FDXR: variants seen among roughly 807,000 people sequenced by gnomAD.
The protein encoded by FDXR is ferredoxin reductase.
A neutral mutation model predicts 58.3 loss-of-function variants in FDXR; 38 were observed. That is an observed-to-expected ratio of 0.65 (90% CI 0.50 to 0.85). FDXR has a LOEUF of 0.85. Ranked by LOEUF, FDXR falls within the 40% of genes least tolerant of loss-of-function variation. The pLI is 0.00. For synonymous variants in FDXR, 275 were observed against 273.8 expected (o/e 1.00, Z -0.04); for missense variants, 624 against 671.0 (o/e 0.93, Z 0.77).
intron 6 of FDXR, among the ~76,000 whole-genome samples, chr17:74,865,454 G>A (rs1033482576): frequency 7.2e-5 from 11 of 152,114 alleles, no homozygotes; most frequent in African/African-American, 2.4e-4. Context: ...GGTGGGAGGT[G>A]AGTGGGGATG....
rs748385798 is a variant in FDXR, at chr17:74,862,800, C to CGGGGCT, written c.*11_*16dup. 1.4e-4 allele frequency: 217 copies of CGGGGCT among 1,599,786 alleles called. No homozygotes were observed. Among genetic ancestry groups the CGGGGCT allele is most frequent in the Middle Eastern group, 1.9e-4 (1 of 5,242 alleles). ...CACTCATCCCTTCCCTGCTGGGGGC[C>CGGGGCT]GGGGCTGGGGCTGGGCTCAGTGGCC... is the stretch of plus-strand genomic sequence containing the variant. On this transcript the variant is annotated 3_prime_UTR_variant, in exon 12 of 12. Transcript: ENST00000293195.
rs35471615 is a variant in FDXR, at chr17:74,871,803, G to A, written c.177+233C>T. Among the ~76,000 whole-genome samples, 339 of 152,298 alleles carry A rather than the reference G, an allele frequency of 2.2e-3. 1 individual carries two copies. The highest frequency in any genetic ancestry group is 3.9e-3 in the Non-Finnish European group (265 of 68,024). On this transcript the variant is annotated intron_variant, in intron 2 of 11. Coordinates refer to ENST00000293195, the MANE Select transcript of FDXR (RefSeq NM_024417.5). ...GCCAGGGAGGCAAAGCTGACCACCT[G>A]CCACTGACCACTCACCACCAATGTG...
At chr17:74,871,263 G>A (rs1054952158) in intron 2 of FDXR, among the ~76,000 whole-genome samples, 3 of 152,206 alleles carry the variant, frequency 2.0e-5, no homozygotes, top group Admixed American at 6.5e-5. Context: ...CCAGCTTAGC[G>A]CTGAAGCCCC....
At chr17:74,865,022 A>G (rs1443342887) in intron 6 of FDXR, 91 bp from the exon 7 acceptor site, 2 of 1,587,040 alleles carry the variant, frequency 1.3e-6, no homozygotes, top group African/African-American at 1.3e-5. Flanking sequence ...GGGCCTGGAG[A>G]AGGCTGGCGG....
intron 10 of FDXR, among the ~76,000 whole-genome samples, 187 bp from the exon 11 acceptor site, chr17:74,863,433 C>G (rs1021479112): frequency 6.6e-6 from 1 of 152,232 alleles, no homozygotes; most frequent in Non-Finnish European, 1.5e-5. Flanking sequence ...TTTTACCAGG[C>G]CGACCCCCTT....
At chr17:74,867,306 C>CAAAAAAA (rs56079045) in intron 2 of FDXR, among the ~76,000 whole-genome samples, 6 of 16,542 alleles carry the variant, frequency 3.6e-4, no homozygotes, top group African/African-American at 9.6e-4. Context: ...GACTCTGTCT[C>CAAAAAAA]AAAAAAAAAA....
At chr17:74,865,358 C>T (rs910719102) in intron 6 of FDXR, among the ~76,000 whole-genome samples, 1 of 151,922 alleles carries the variant, frequency 6.6e-6, no homozygotes, top group Non-Finnish European at 1.5e-5. Flanking sequence ...GGAGGAGGCA[C>T]GATGGGGGAG....
Position 74,864,820 on chromosome 17 carries a change from G to C in FDXR, c.717+4C>G. The stretch of plus-strand genomic sequence containing the variant: ...CCTGGCTCCTCCCACTCTGGCCCCA[G>C]CACCTTAATGGTGAAGGCCACTTGC... On this transcript the variant is annotated splice_donor_region_variant and intron_variant, in intron 7 of 11. Coordinates refer to ENST00000293195, the MANE Select transcript of FDXR (RefSeq NM_024417.5). The C allele has an allele frequency of 3.1e-6, 5 of 1,613,916 alleles. No homozygotes were observed. The highest frequency in any genetic ancestry group is 4.2e-6 in the Non-Finnish European group (5 of 1,179,928).
Position 74,864,007 on chromosome 17 carries a change from GC to G in FDXR, c.1062del (p.Leu355TrpfsTer45). 1 of 1,614,056 alleles carries G rather than the reference GC, an allele frequency of 6.2e-7. No individual in the cohort carries two copies. Among genetic ancestry groups the G allele is most frequent in the Non-Finnish European group, 8.5e-7 (1 of 1,180,028 alleles). ...TTATACCCAATGCTGCTGAGCACCA[GC>G]CCACAAGGGAGGTCTTCCATGTCTC... is the stretch of plus-strand genomic sequence containing the variant. The part of the protein sequence containing the change: ...PTGDMEDLPC[G>X]LVLSSIGYKS... On this transcript the variant is annotated frameshift_variant, in exon 10 of 12. Transcript: ENST00000293195. LOFTEE classifies it high-confidence loss of function.
At chr17:74,872,394 A>G in intron 1 of FDXR, 3 of 868,520 alleles carry the variant, frequency 3.5e-6, no homozygotes, top group Non-Finnish European at 5.3e-6. Flanking sequence ...ACAACACTTC[A>G]TTCCCTATCC....
chr17:74,868,391 C>CAACCTACTCTGAGTGT, intron 2 of FDXR: 1 of 690,946 alleles, frequency 1.4e-6, no homozygotes, highest in Non-Finnish European at 2.6e-6. Context: ...GCCCGGGGTG[C>CAACCTACTCTGAGTGT]AACCTACTCT....
At position 74,863,908 on chromosome 17, in the gene FDXR, T is replaced by C; in HGVS notation, c.1162A>G (p.Met388Val). ...GVIPNVEGRVMDVPGLYCSGW... is the reference protein window; with the variant it reads ...GVIPNVEGRVVDVPGLYCSGW... ...CACACCCTCTCACCTGGCACATCCA[T>C]AACCCGGCCCTCCACATTGGGGATG... The change falls in exon 10 of 12, where the codon ATG becomes GTG. Residue 388 changes from methionine (M) to valine (V), a missense_variant. Transcript: ENST00000293195. 1.2e-6 allele frequency: 2 copies of C among 1,613,152 alleles called. No homozygotes were observed. The highest frequency in any genetic ancestry group is 2.2e-5 in the East Asian group (1 of 44,868).
intron 2 of FDXR, chr17:74,868,523 G>C: frequency 2.0e-6 from 3 of 1,486,088 alleles, no homozygotes; most frequent in African/African-American, 1.4e-5. Context: ...CGGCCTAGAG[G>C]TCAACACCTC....
rs1349720950 is a variant in FDXR at position 74,872,948 on chromosome 17, T to G, written c.-4A>C. On this transcript the variant is annotated 5_prime_UTR_variant, in exon 1 of 12. Transcript: ENST00000293195. ...AGCGCCAGCAGCGCGAAGCCATGGCTGGGAGCAGCAACCTGCAAGTGGATC... is the reference window on the plus strand; with the variant it reads ...AGCGCCAGCAGCGCGAAGCCATGGCGGGGAGCAGCAACCTGCAAGTGGATC... 7.7e-6 allele frequency: 12 copies of G among 1,554,596 alleles called. No homozygotes were observed. The highest frequency in any genetic ancestry group is 1.0e-5 in the Non-Finnish European group (12 of 1,149,570).
intron 3 of FDXR, 23 bp downstream of exon 3, chr17:74,866,761 C>G (rs760590573): frequency 6.2e-7 from 1 of 1,613,216 alleles, no homozygotes; most frequent in South Asian, 1.1e-5. Context: ...CAAACCCCAG[C>G]CTCCAGGCCC....
intron 2 of FDXR, 31 bp from the exon 3 acceptor site, chr17:74,866,907 G>A (rs369097571): frequency 1.2e-6 from 2 of 1,607,672 alleles, no homozygotes; most frequent in African/African-American, 1.3e-5. Context: ...AGCTGGTGGG[G>A]CCGAGAGAGA....
chr17:74,863,993 G>A lies in FDXR; in HGVS notation c.1077C>T (p.Ser359=). 4 of 1,614,060 alleles carry A rather than the reference G, an allele frequency of 2.5e-6. No individual in the cohort carries two copies. Among genetic ancestry groups the A allele is most frequent in the Non-Finnish European group, 3.4e-6 (4 of 1,180,028 alleles). Reference sequence around the variant, plus strand: ...CGACAGGGCGGCTCTTATACCCAATGCTGCTGAGCACCAGCCCACAAGGGA... The same window carrying A: ...CGACAGGGCGGCTCTTATACCCAATACTGCTGAGCACCAGCCCACAAGGGA... ...EDLPCGLVLS[S]IGYKSRPVDP... is the part of the protein sequence containing the mutation. The change falls in exon 10 of 12, where the codon AGC becomes AGT. Residue 359 remains serine (S), a synonymous_variant. Coordinates refer to ENST00000293195, the MANE Select transcript of FDXR (RefSeq NM_024417.5).
chr17:74,863,307 T>G (rs928135752), intron 10 of FDXR, 61 bp from the exon 11 acceptor site: 153 of 1,496,704 alleles, frequency 1.0e-4, no homozygotes, highest in Admixed American at 2.9e-4. Context: ...CTGGCCATCC[T>G]GTGCCCACAA....
At chr17:74,866,277 C>A (rs1211635696) in intron 4 of FDXR, 33 bp from the exon 5 acceptor site, 84 of 1,597,782 alleles carry the variant, frequency 5.3e-5, no homozygotes, top group Non-Finnish European at 7.0e-5. Context: ...AGACCCACAG[C>A]CTTCAGCACC....
Sources: allele counts gnomAD v4.1 joint callset (sites outside exome capture counted in the v4.1 genomes callset), GRCh38; gene constraint gnomAD v4.1.1; transcripts MANE v1.5; gene names NCBI Gene and HGNC (gene_info 2026-07-23, HGNC 2026-07-21).